Variants in SOX6 observed in about 807,000 individuals in gnomAD.
The protein encoded by SOX6 is SRY-box transcription factor 6.
Under a neutral mutation model 97.8 loss-of-function variants are expected in SOX6, and 11 were observed. That is an observed-to-expected ratio of 0.11 (90% confidence interval 0.07 to 0.19). The LOEUF (loss-of-function observed/expected upper bound fraction) is 0.19. Ranked by LOEUF, SOX6 falls within the 10% of genes least tolerant of loss-of-function variation. The pLI, the probability that SOX6 is intolerant of heterozygous loss-of-function variation, is 1.00. For synonymous variants in SOX6, 360 were observed against 371.4 expected (o/e 0.97, Z 0.35); for missense variants, 810 against 1,039.5 (o/e 0.78, Z 3.04).
At chr11:16,449,394 G>C (rs1859676966) in intron 1 of SOX6, among the ~76,000 whole-genome samples, 2 of 140,226 alleles carry the variant, frequency 1.4e-5, no homozygotes, top group Non-Finnish European at 3.0e-5. Context: ...CCGGGTTCGC[G>C]CCATTCTCCT....
At chr11:16,050,969 A>G (rs937006137) in intron 10 of SOX6, among the ~76,000 whole-genome samples, 2 of 152,104 alleles carry the variant, frequency 1.3e-5, no homozygotes, top group Non-Finnish European at 2.9e-5. Flanking sequence ...AAAAGACCCA[A>G]TAGAGTTTGG....
At chr11:16,167,012 A>G (rs1050479164) in intron 6 of SOX6, among the ~76,000 whole-genome samples, 1 of 152,206 alleles carries the variant, frequency 6.6e-6, no homozygotes, top group African/African-American at 2.4e-5. Flanking sequence ...ACACTCTCAA[A>G]TGTACATTTT....
chr11:16,333,611 G>A (rs77605625), intron 2 of SOX6, among the ~76,000 whole-genome samples: 1 of 151,192 alleles, frequency 6.6e-6, no homozygotes, highest in Non-Finnish European at 1.5e-5. Context: ...AAAAAAAAAA[G>A]CTACATTCAA....
chr11:16,159,401 C>T (rs937518596), intron 6 of SOX6, among the ~76,000 whole-genome samples: 3 of 152,040 alleles, frequency 2.0e-5, no homozygotes, highest in Admixed American at 6.6e-5. Flanking sequence ...CTCTCCAAAA[C>T]AGTTACGTGA....
At chr11:16,240,577 T>C (rs1480525089) in intron 3 of SOX6, among the ~76,000 whole-genome samples, 1 of 152,018 alleles carries the variant, frequency 6.6e-6, no homozygotes, top group African/African-American at 2.4e-5. Context: ...GTAAGAGTTA[T>C]CTCTTTTATC....
At chr11:16,729,603 C>T (rs1178995280) in intron 2 of SOX6, among the ~76,000 whole-genome samples, 2 of 152,108 alleles carry the variant, frequency 1.3e-5, no homozygotes, top group African/African-American at 4.8e-5. Flanking sequence ...AAGGAACAAC[C>T]GGTACCAGCC....
In SOX6 at chr11:16,469,244, A is replaced by G. The variant is rs148397866; in HGVS notation, c.-5+7071T>C. ...TTTTAGAGCAGTTTGTTCTGGTGCT[A>G]CAAAAACGAAGCCTCTTTCTAACTG... On this transcript the variant is annotated intron_variant, in intron 1 of 15. Transcript: ENST00000396356. Among the ~76,000 whole-genome samples, 1,364 of 152,252 alleles carry G rather than the reference A, an allele frequency of 9.0e-3. 20 individuals carry two copies. The highest frequency in any genetic ancestry group is 0.031 in the African/African-American group (1,303 of 41,562).
intron 1 of SOX6, among the ~76,000 whole-genome samples, chr11:16,737,268 G>A (rs531990424): frequency 3.9e-5 from 6 of 152,192 alleles, no homozygotes; most frequent in South Asian, 2.1e-4. Flanking sequence ...GTGCAGTGGC[G>A]CCATCTTGGG....
Position 16,075,776 on chromosome 11 carries a change from C to T in SOX6, c.1102-19875G>A, listed in dbSNP as rs147802962. ...CTATGTAACAAACCTGCATGTTGTACACATGTGCCCTAGAACTTAAAGTAT... is the reference window on the plus strand; with the variant it reads ...CTATGTAACAAACCTGCATGTTGTATACATGTGCCCTAGAACTTAAAGTAT... On this transcript the variant is annotated intron_variant, in intron 9 of 15. Transcript: ENST00000683767. 4.9e-4 allele frequency among the ~76,000 whole-genome samples: 74 copies of T among 152,110 alleles called. No homozygotes were observed. In the East Asian group the frequency reaches 0.013, roughly 27 times the overall value.
intron 3 of SOX6, among the ~76,000 whole-genome samples, chr11:16,614,279 T>A (rs1264480403): frequency 6.6e-6 from 1 of 152,034 alleles, no homozygotes; most frequent in Admixed American, 6.5e-5. Context: ...TCCCTGGGAC[T>A]CATCTCCCGC....
intron 12 of SOX6, among the ~76,000 whole-genome samples, chr11:16,033,474 T>C (rs1021475679): frequency 6.6e-6 from 1 of 152,180 alleles, no homozygotes; most frequent in African/African-American, 2.4e-5. Context: ...ATTCCTGATG[T>C]TTGCCTAGAC....
intron 12 of SOX6, among the ~76,000 whole-genome samples, chr11:16,042,950 A>G (rs1855714916): frequency 6.6e-6 from 1 of 152,278 alleles, no homozygotes; most frequent in Middle Eastern, 3.4e-3. Context: ...CCTACGCAGG[A>G]AAGCATTCCA....
chr11:16,718,736 T>G (rs1848236829), intron 2 of SOX6, among the ~76,000 whole-genome samples: 1 of 152,152 alleles, frequency 6.6e-6, no homozygotes, highest in South Asian at 2.1e-4. Context: ...TTATCTTCAG[T>G]GTATATGCAT....
intron 4 of SOX6, among the ~76,000 whole-genome samples, chr11:16,535,569 G>A (rs1384009965): frequency 6.6e-6 from 1 of 152,080 alleles, no homozygotes; most frequent in Non-Finnish European, 1.5e-5. Context: ...CTACTCAAGA[G>A]GCTAAGGTGA....
At position 16,041,640 on chromosome 11, in the gene SOX6, A is replaced by T. The variant is rs1315023572; in HGVS notation, c.1623+4874T>A. On this transcript the variant is annotated intron_variant, in intron 12 of 15. Transcript: ENST00000683767. ...GAATCAGGTCAAGCTTTTCTAAAAA[A>T]ATTATAGATTAAAATTCTGCTTTTG... Among the ~76,000 whole-genome samples, 3 of 152,284 alleles carry T rather than the reference A, an allele frequency of 2.0e-5. No individual in the cohort carries two copies. In the East Asian group the frequency reaches 5.8e-4, roughly 29 times the overall value.
chr11:16,619,906 T>C (rs995157801), intron 3 of SOX6, among the ~76,000 whole-genome samples: 1 of 152,150 alleles, frequency 6.6e-6, no homozygotes, highest in South Asian at 2.1e-4. Context: ...GTTTCAACTA[T>C]CTCCCAAATT....
At chr11:16,328,615 C>T (rs1056448225) in intron 2 of SOX6, among the ~76,000 whole-genome samples, 2 of 152,032 alleles carry the variant, frequency 1.3e-5, no homozygotes. Context: ...TAACTTATAC[C>T]ACAGACAATA....
intron 1 of SOX6, chr11:16,402,822 C>T: frequency 6.4e-7 from 1 of 1,555,332 alleles, no homozygotes; most frequent in South Asian, 1.2e-5. Context: ...TGAAGCTCAC[C>T]ATGACCTTTC....
chr11:16,674,882 C>G (rs970887100), intron 3 of SOX6, among the ~76,000 whole-genome samples: 1 of 152,094 alleles, frequency 6.6e-6, no homozygotes, highest in African/African-American at 2.4e-5. Context: ...ACCTAGGAGG[C>G]AGAGGAAGGT....
Sources: gnomAD v4.1 joint callset for allele counts (sites outside exome capture counted in the v4.1 genomes callset) on GRCh38, gnomAD v4.1.1 for gene constraint, MANE v1.5 for transcripts, NCBI Gene and HGNC (gene_info 2026-07-23, HGNC 2026-07-21) for gene names.